Variants in SAMD7 observed in about 807,000 individuals in gnomAD.
SAMD7 encodes sterile alpha motif domain-containing protein 7.
Under a neutral mutation model 36.7 loss-of-function variants are expected in SAMD7, and 34 were observed. The ratio of observed to expected loss-of-function variants is 0.93; its 90% CI spans 0.71 to 1.23. The LOEUF (loss-of-function observed/expected upper bound fraction) is 1.23, where lower values mean the gene tolerates loss of function less well. Among genes scored for constraint, SAMD7 ranks in the 50% most tolerant of loss-of-function variants. The probability of loss-of-function intolerance (pLI) is 0.00; values close to 1 mark genes in which losing one functional copy is unlikely to be tolerated. For missense variants in SAMD7, 570 were observed against 546.6 expected (o/e 1.04, Z -0.43); for synonymous variants, 188 against 189.7 (o/e 0.99, Z 0.07).
In SAMD7 at chr3:169,938,407, T is replaced by G; in HGVS notation, c.1242T>G (p.Pro414=). The G allele has an allele frequency of 6.2e-7, 1 of 1,611,680 alleles. No homozygotes were observed. The highest frequency in any genetic ancestry group is 1.3e-5 in the African/African-American group (1 of 75,014). ...TTGATCAACCAGCAGATACATCCCC[T>G]CTTCTGGATCCTAATTCCTGGAGTG... is the stretch of plus-strand genomic sequence containing the variant. ...QAFDQPADTS[P]LLDPNSWSDT... is the part of the protein sequence containing the mutation. The change falls in exon 9 of 9, where the codon CCT becomes CCG. Residue 414 remains proline, a synonymous_variant. Transcript: ENST00000335556.
chr3:169,916,182 A>G (rs1484100245), intron 2 of SAMD7, among the ~76,000 whole-genome samples: 4 of 152,216 alleles, frequency 2.6e-5, no homozygotes, highest in African/African-American at 9.6e-5. Context: ...CAGGACAAAT[A>G]CTGCATGATT....
chr3:169,926,459 G>A, intron 5 of SAMD7, 94 bp from the exon 6 acceptor site: 2 of 1,315,448 alleles, frequency 1.5e-6, no homozygotes, highest in East Asian at 2.4e-5. Context: ...CAGATAAACA[G>A]TGTGAGGACT....
At chr3:169,929,824 T>C (rs148283474) in intron 7 of SAMD7, among the ~76,000 whole-genome samples, 1 of 152,332 alleles carries the variant, frequency 6.6e-6, no homozygotes, top group East Asian at 1.9e-4. Flanking sequence ...GTCACCCATT[T>C]TTGTCTTTTG....
chr3:169,920,648 C>A (rs1389912279), intron 3 of SAMD7, among the ~76,000 whole-genome samples: 1 of 152,200 alleles, frequency 6.6e-6, no homozygotes, highest in Non-Finnish European at 1.5e-5. Context: ...GTTGCACACT[C>A]TGGAAATAAC....
At chr3:169,919,349 T>TCGGTGG in intron 2 of SAMD7, 109 bp from the exon 3 acceptor site, 2 of 641,600 alleles carry the variant, frequency 3.1e-6, no homozygotes, top group Admixed American at 2.8e-5. Context: ...GTAGCTAGTC[T>TCGGTGG]TCCCAAGTGT....
rs761881004 is a variant in SAMD7 at position 169,938,517 on chromosome 3, G to A, written c.*11G>A. ...AGTATGAGAAACTAAAAGCCCTCAA[G>A]GAGGAAGAATAGTCTTAGCCAGTTT... On this transcript the variant is annotated 3_prime_UTR_variant, in exon 9 of 9. Transcript: ENST00000335556. 4.4e-6 allele frequency: 7 copies of A among 1,575,932 alleles called. No homozygotes were observed. The South Asian group carries it at 6.7e-5, about 15-fold the overall frequency.
rs10513680 is a variant in SAMD7 at position 169,926,922 on chromosome 3, G to A, written c.660G>A (p.Glu220=). 1.2e-6 allele frequency: 2 copies of A among 1,613,608 alleles called. No individual in the cohort carries two copies. Among genetic ancestry groups the A allele is most frequent in the Non-Finnish European group, 1.7e-6 (2 of 1,179,940 alleles). The change falls in exon 6 of 9, where the codon GAG becomes GAA. Residue 220 remains glutamate (E), a synonymous_variant. Coordinates refer to ENST00000335556, the MANE Select transcript of SAMD7 (RefSeq NM_001304366.2). The stretch of plus-strand genomic sequence containing the variant: ...AGACTCATGCAGTTCCCTATGAAGA[G>A]GATCATTATGCAAAAGACCCAGACA... ...LGQTHAVPYE[E]DHYAKDPDIE... is the part of the protein sequence containing the mutation.
At chr3:169,924,340 G>A (rs1294080073) in intron 4 of SAMD7, among the ~76,000 whole-genome samples, 3 of 152,140 alleles carry the variant, frequency 2.0e-5, no homozygotes, top group South Asian at 2.1e-4. Context: ...TGTAATCCCA[G>A]CACTTTGGGA....
intron 2 of SAMD7, among the ~76,000 whole-genome samples, chr3:169,915,807 A>G (rs2108254470): frequency 6.6e-6 from 1 of 151,868 alleles, no homozygotes; most frequent in African/African-American, 2.4e-5. Flanking sequence ...CGAACTCCTG[A>G]CCTCAGATGA....
Position 169,926,672 on chromosome 3 carries a change from C to A in SAMD7, c.410C>A (p.Ala137Asp). ...GGCTCCAGTGTCCCAGCTGCCCCCG[C>A]TGCCTACCATGGCAGGAGCATGCTC... ...LYGSSVPAAP[A>D]AYHGRSMLPA... The change falls in exon 6 of 9, where the codon GCT (alanine) becomes GAT (aspartate). Residue 137 changes from alanine to aspartate, a missense_variant. Transcript: ENST00000335556. The A allele has an allele frequency of 6.2e-7, 1 of 1,614,088 alleles. No individual in the cohort carries two copies. Among genetic ancestry groups the A allele is most frequent in the Non-Finnish European group, 8.5e-7 (1 of 1,180,014 alleles).
At chr3:169,925,216 T>C in intron 5 of SAMD7, 80 bp downstream of exon 5, 2 of 805,708 alleles carry the variant, frequency 2.5e-6, no homozygotes. Context: ...ATATAACAAA[T>C]GAATAGATGA....
intron 8 of SAMD7, among the ~76,000 whole-genome samples, 178 bp from the exon 9 acceptor site, chr3:169,938,140 C>A (rs1011741024): frequency 1.3e-5 from 2 of 152,146 alleles, no homozygotes; most frequent in African/African-American, 2.4e-5. Context: ...TCTGTAAACA[C>A]TATAATTCTG....
chr3:169,933,595 C>G (rs1576838462), intron 7 of SAMD7, among the ~76,000 whole-genome samples: 1 of 152,332 alleles, frequency 6.6e-6, no homozygotes, highest in African/African-American at 2.4e-5. Flanking sequence ...ACATTTCAGT[C>G]CTTTCTCCAC....
chr3:169,926,073 G>A (rs77312716), intron 5 of SAMD7: 41,803 of 369,960 alleles, frequency 0.11, 2,663 homozygotes, highest in Middle Eastern at 0.21. Flanking sequence ...GTCCAATTGA[G>A]GACCAAAAAG....
intron 2 of SAMD7, among the ~76,000 whole-genome samples, chr3:169,919,093 C>A (rs1712934046): frequency 6.6e-6 from 1 of 152,108 alleles, no homozygotes; most frequent in South Asian, 2.1e-4. Context: ...TTGCAGTGAG[C>A]CAAGATTGCA....
intron 6 of SAMD7, among the ~76,000 whole-genome samples, chr3:169,927,961 G>A (rs1329290822): frequency 6.6e-6 from 1 of 152,066 alleles, no homozygotes; most frequent in Non-Finnish European, 1.5e-5. Context: ...CTTCATGACA[G>A]AAACGCACAC....
Position 169,925,058 on chromosome 3 carries a change from G to T in SAMD7, c.212G>T (p.Gly71Val), listed in dbSNP as rs764879080. The change falls in exon 5 of 9, where the codon GGT (glycine) becomes GTT (valine). Residue 71 changes from glycine to valine, a missense_variant and splice_region_variant. By Grantham distance (109) the Gly-to-Val change is moderately radical (BLOSUM62 -3). Coordinates refer to ENST00000335556, the MANE Select transcript of SAMD7 (RefSeq NM_001304366.2). ...TGGGATGGTGGTTTTCTTTTTTAAG[G>T]TTGGGGCATTTTACCACCTGAATCC... Reference protein sequence around the residue: ...ANVLSSRIYPGWGILPPESIK... With the variant: ...ANVLSSRIYPVWGILPPESIK... The T allele has an allele frequency of 1.9e-6, 3 of 1,600,398 alleles. No homozygotes were observed. In the East Asian group the frequency reaches 6.7e-5, roughly 36 times the overall value.
chr3:169,918,670 G>T (rs1317642766), intron 2 of SAMD7, among the ~76,000 whole-genome samples: 2 of 152,214 alleles, frequency 1.3e-5, no homozygotes, highest in Non-Finnish European at 2.9e-5. Context: ...ATTAAATACA[G>T]TCTCGTGCAG....
Position 169,927,013 on chromosome 3 carries a change from A to G in SAMD7, c.751A>G (p.Thr251Ala). 7 of 1,613,404 alleles carry G rather than the reference A, an allele frequency of 4.3e-6. No homozygotes were observed. The highest frequency in any genetic ancestry group is 5.9e-6 in the Non-Finnish European group (7 of 1,179,856). ...AAAGCCAACGACAGCTCTTGCCAAC[A>G]CCTGTGGAGAGCTCGAGCCCACCCA... ...NEKPTTALAN[T>A]CGELEPTHRK... Residue 251 changes from threonine (T) to alanine (A), a missense_variant, in exon 6 of 9, where the codon ACC (threonine) becomes GCC (alanine). Coordinates refer to ENST00000335556, the MANE Select transcript of SAMD7 (RefSeq NM_001304366.2).
Sources: allele counts gnomAD v4.1 joint callset (sites outside exome capture counted in the v4.1 genomes callset), GRCh38; gene constraint gnomAD v4.1.1; transcripts MANE v1.5; gene names NCBI Gene and HGNC (gene_info 2026-07-23, HGNC 2026-07-21).